Variants in PRIM2 observed in about 807,000 individuals in gnomAD.
PRIM2 encodes DNA primase subunit 2, also known as DNA primase large subunit.
A neutral mutation model predicts 67.3 loss-of-function variants in PRIM2; 39 were observed. That is an observed-to-expected ratio of 0.58 (90% CI 0.45 to 0.76). The LOEUF (loss-of-function observed/expected upper bound fraction) is 0.76, where lower values mean the gene tolerates loss of function less well. Ranked by LOEUF, PRIM2 falls within the 30% of genes least tolerant of loss-of-function variation. The probability of loss-of-function intolerance (pLI) is 0.00; values close to 1 mark genes in which losing one functional copy is unlikely to be tolerated. For synonymous variants in PRIM2, 143 were observed against 198.7 expected (o/e 0.72, Z 2.36); for missense variants, 398 against 598.7 (o/e 0.66, Z 3.50).
chr6:57,644,464 G>A (rs1475209674), intron 13 of PRIM2, among the ~76,000 whole-genome samples: 1 of 152,128 alleles, frequency 6.6e-6, no homozygotes, highest in Non-Finnish European at 1.5e-5. Flanking sequence ...TCCATTCTTG[G>A]TAGAGGTTTT....
Position 57,325,910 on chromosome 6 carries a change from C to T in PRIM2, c.339-15C>T, listed in dbSNP as rs1486047035. On this transcript the variant is annotated splice_polypyrimidine_tract_variant and intron_variant, in intron 4 of 13. Transcript: ENST00000615550. The stretch of plus-strand genomic sequence containing the variant: ...GATTTTTAGTTTGTACTCATAATTT[C>T]TGTCTTCATTTCAGTGAAGAACTTA... The T allele has an allele frequency of 1.3e-6, 2 of 1,571,722 alleles. No homozygotes were observed. The highest frequency in any genetic ancestry group is 2.3e-5 in the East Asian group (1 of 44,106).
chr6:57,517,334 A>C (rs1171190918), intron 8 of PRIM2, among the ~76,000 whole-genome samples: 2 of 152,174 alleles, frequency 1.3e-5, no homozygotes, highest in East Asian at 3.8e-4. Context: ...AAAAGGCCTG[A>C]GAAAGCATTG....
At chr6:57,442,302 T>G (rs1055766437) in intron 7 of PRIM2, among the ~76,000 whole-genome samples, 35 of 152,240 alleles carry the variant, frequency 2.3e-4, no homozygotes, top group African/African-American at 8.2e-4. Context: ...GTTAACATTG[T>G]AGCAGATGAC....
In PRIM2 at chr6:57,618,158, A is replaced by T. The variant is rs1222865847; in HGVS notation, c.1230+11701A>T. ...TTTCTGTACCTTGTACTGAGCTTTGAAATCAGGAAGCATGGAATCTTCCAA... is the reference window on the plus strand; with the variant it reads ...TTTCTGTACCTTGTACTGAGCTTTGTAATCAGGAAGCATGGAATCTTCCAA... On this transcript the variant is annotated intron_variant, in intron 12 of 13. Transcript: ENST00000615550. Among the ~76,000 whole-genome samples, 31 of 152,268 alleles carry T rather than the reference A, an allele frequency of 2.0e-4. 1 individual carries two copies. The highest frequency in any genetic ancestry group is 7.2e-4 in the African/African-American group (30 of 41,546).
intron 5 of PRIM2, among the ~76,000 whole-genome samples, chr6:57,372,469 G>C (rs62417995): frequency 6.6e-6 from 1 of 152,096 alleles, no homozygotes; most frequent in East Asian, 1.9e-4. Context: ...AGTACACATG[G>C]ATTTCAGTCA....
chr6:57,275,527 G>A, the PRIM2 span, among the ~76,000 whole-genome samples: 1 of 152,158 alleles, frequency 6.6e-6, no homozygotes, highest in African/African-American at 2.4e-5. Flanking sequence ...TGTTATTACT[G>A]GACAGTTACT....
At chr6:57,503,189 T>G (rs1450572045) in intron 7 of PRIM2, among the ~76,000 whole-genome samples, 1 of 152,196 alleles carries the variant, frequency 6.6e-6, no homozygotes, top group Non-Finnish European at 1.5e-5. Context: ...AAGAGGTTCC[T>G]GCCCTGACAG....
intron 7 of PRIM2, among the ~76,000 whole-genome samples, chr6:57,489,575 T>C (rs1773840456): frequency 1.3e-5 from 2 of 152,280 alleles, no homozygotes; most frequent in African/African-American, 4.8e-5. Flanking sequence ...AAGAAAAGGG[T>C]TAGATTATTT....
At chr6:57,384,678 C>T (rs1169162993) in intron 7 of PRIM2, among the ~76,000 whole-genome samples, 2 of 151,950 alleles carry the variant, frequency 1.3e-5, no homozygotes, top group Non-Finnish European at 2.9e-5. Context: ...CCTGAAACCA[C>T]AATATCCCAA....
chr6:57,272,242 A>C, the PRIM2 span, among the ~76,000 whole-genome samples: 2 of 152,202 alleles, frequency 1.3e-5, no homozygotes, highest in African/African-American at 4.8e-5. Context: ...AAAGTCTCCC[A>C]TTATTATTGT....
Position 57,534,123 on chromosome 6 carries a change from A to G in PRIM2, c.834+1640A>G, listed in dbSNP as rs1477279262. Among the ~76,000 whole-genome samples, 212 of 152,268 alleles carry G rather than the reference A, an allele frequency of 1.4e-3. 5 individuals are homozygous for G. In the East Asian group the frequency reaches 0.019, roughly 14 times the overall value. ...TCTTCTAACAAATCTGGCTTTCTCA[A>G]TGCTGTTTCCGCTGTGGGCCTCTTC... is the stretch of plus-strand genomic sequence containing the variant. On this transcript the variant is annotated intron_variant, in intron 9 of 13. Transcript: ENST00000615550.
the PRIM2 span, among the ~76,000 whole-genome samples, chr6:57,249,005 G>A: frequency 6.6e-6 from 1 of 152,166 alleles, no homozygotes; most frequent in African/African-American, 2.4e-5. Flanking sequence ...AACTGCTGGC[G>A]ACCTCATTGC....
intron 7 of PRIM2, among the ~76,000 whole-genome samples, chr6:57,474,173 CTTTTTTTTTTTT>C (rs1158188964): frequency 7.8e-5 from 5 of 63,960 alleles, no homozygotes; most frequent in Non-Finnish European, 1.3e-4. Flanking sequence ...ATTCTGCTAT[CTTTTTTTTTTTT>C]TTTTTTTTTT....
chr6:57,282,754 C>CA, the PRIM2 span, among the ~76,000 whole-genome samples: 1 of 152,142 alleles, frequency 6.6e-6, no homozygotes, highest in Non-Finnish European at 1.5e-5. Flanking sequence ...AGAGAGGGTG[C>CA]AAAAGAAACC....
At chr6:57,370,816 A>G (rs1334290761) in intron 5 of PRIM2, among the ~76,000 whole-genome samples, 2 of 150,282 alleles carry the variant, frequency 1.3e-5, no homozygotes, top group Non-Finnish European at 2.9e-5. Context: ...TTCCTGCCTC[A>G]GCCTCCTGAG....
the PRIM2 span, among the ~76,000 whole-genome samples, chr6:57,280,995 G>T: frequency 6.6e-6 from 1 of 151,930 alleles, no homozygotes; most frequent in Admixed American, 6.6e-5. Flanking sequence ...CTATCTTGAT[G>T]AGATCCACTT....
intron 5 of PRIM2, among the ~76,000 whole-genome samples, chr6:57,364,117 T>A (rs1769279307): frequency 6.6e-6 from 1 of 152,080 alleles, no homozygotes; most frequent in African/African-American, 2.4e-5. Context: ...TATGGATTCC[T>A]ATTCCTTGCA....
At chr6:57,225,682 A>G in the PRIM2 span, among the ~76,000 whole-genome samples, 1 of 152,218 alleles carries the variant, frequency 6.6e-6, no homozygotes. Context: ...TCTGACTCTA[A>G]TGAACTGAAC....
intron 7 of PRIM2, among the ~76,000 whole-genome samples, chr6:57,414,783 T>C (rs1771204090): frequency 6.6e-6 from 1 of 152,136 alleles, no homozygotes; most frequent in Non-Finnish European, 1.5e-5. Context: ...TTATGATATA[T>C]ATAAATTTTA....
Sources: allele counts gnomAD v4.1 joint callset (sites outside exome capture counted in the v4.1 genomes callset), GRCh38; gene constraint gnomAD v4.1.1; transcripts MANE v1.5; gene names NCBI Gene and HGNC (gene_info 2026-07-23, HGNC 2026-07-21).